Variants in RNF38 observed in about 807,000 individuals in gnomAD.
The protein encoded by RNF38 is E3 ubiquitin-protein ligase RNF38.
In RNF38, 15 loss-of-function variants were observed where a neutral mutation model predicts 67.2. The ratio of observed to expected loss-of-function variants is 0.22; its 90% CI spans 0.15 to 0.34. RNF38 has a LOEUF of 0.34. Ranked by LOEUF, RNF38 falls within the 10% of genes least tolerant of loss-of-function variation. RNF38 has a pLI of 1.00. For synonymous variants in RNF38, 220 were observed against 218.8 expected (o/e 1.01, Z -0.05); for missense variants, 524 against 639.9 (o/e 0.82, Z 1.95).
intron 4 of RNF38, among the ~76,000 whole-genome samples, chr9:36,369,224 C>G (rs1835190329): frequency 6.6e-6 from 1 of 152,098 alleles, no homozygotes; most frequent in African/African-American, 2.4e-5. Context: ...TCATTCTAAG[C>G]TTTCATAACC....
intron 1 of RNF38, among the ~76,000 whole-genome samples, chr9:36,452,725 G>A (rs1839485783): frequency 6.6e-6 from 1 of 152,066 alleles, no homozygotes; most frequent in African/African-American, 2.4e-5. Context: ...TAGAGATGGG[G>A]TTTTGCCATG....
chr9:36,400,368 T>C (rs1343826418), upstream of RNF38: 2 of 1,194,246 alleles, frequency 1.7e-6, no homozygotes, highest in Non-Finnish European at 1.0e-6. Context: ...AGCGAGGCCA[T>C]CTGCCGGGCA....
intron 9 of RNF38, among the ~76,000 whole-genome samples, chr9:36,349,410 A>G (rs1161117852): frequency 6.6e-6 from 1 of 152,120 alleles, no homozygotes. Flanking sequence ...ACCTGGTTGG[A>G]CATTTTGTGT....
At chr9:36,427,356 A>G (rs1267355760) in intron 1 of RNF38, among the ~76,000 whole-genome samples, 3 of 152,112 alleles carry the variant, frequency 2.0e-5, no homozygotes, top group Admixed American at 6.6e-5. Context: ...ACAGACCCCA[A>G]TGAGATTTAA....
intron 1 of RNF38, among the ~76,000 whole-genome samples, chr9:36,477,335 AAAG>A (rs924478330): frequency 2.6e-5 from 4 of 151,530 alleles, no homozygotes; most frequent in African/African-American, 4.9e-5. Flanking sequence ...AAAAAAAAAA[AAAG>A]ATTACCTTGC....
intron 1 of RNF38, among the ~76,000 whole-genome samples, chr9:36,465,453 TCTC>T (rs1436216576): frequency 2.6e-5 from 4 of 152,186 alleles, no homozygotes; most frequent in African/African-American, 7.2e-5. Context: ...TTCAAGCGAT[TCTC>T]CTGCCTTAGC....
Position 36,369,781 on chromosome 9 carries a change from G to A in RNF38, c.508C>T (p.Leu170=), listed in dbSNP as rs1348180410. The A allele has an allele frequency of 2.5e-6, 4 of 1,613,950 alleles. No homozygotes were observed. The highest frequency in any genetic ancestry group is 1.3e-5 in the African/African-American group (1 of 74,918). The part of the protein sequence containing the change: ...AFHPPNVSPR[L]LHPAAHPPQQ... ...GGTGGATGAGCAGCAGGATGTAGCA[G>A]ACGGGGAGATACATTCGGAGGGTGG... Residue 170 remains leucine, a synonymous_variant, in exon 4 of 12, where the codon CTG becomes TTG. Coordinates refer to ENST00000259605, the MANE Select transcript of RNF38 (RefSeq NM_022781.5).
intron 1 of RNF38, among the ~76,000 whole-genome samples, chr9:36,395,463 C>T (rs1264979665): frequency 2.0e-5 from 3 of 152,046 alleles, no homozygotes; most frequent in African/African-American, 7.2e-5. Flanking sequence ...ACCAACTGGT[C>T]GGTCAAAAGC....
intron 1 of RNF38, among the ~76,000 whole-genome samples, chr9:36,466,572 C>T (rs984649145): frequency 5.9e-5 from 9 of 151,960 alleles, no homozygotes; most frequent in South Asian, 4.1e-4. Context: ...TGTTTCTATA[C>T]GTATTTCGTA....
At chr9:36,459,666 C>T (rs1839679630) in intron 1 of RNF38, among the ~76,000 whole-genome samples, 1 of 152,052 alleles carries the variant, frequency 6.6e-6, no homozygotes, top group Admixed American at 6.6e-5. Context: ...AAAATATTAA[C>T]TCTAATTATT....
At chr9:36,402,526 C>T (rs1327045406), upstream of RNF38, among the ~76,000 whole-genome samples, 1 of 150,368 alleles carries the variant, frequency 6.7e-6, no homozygotes, top group Non-Finnish European at 1.5e-5. Context: ...CCCTACAGAA[C>T]GCAGACCACC....
chr9:36,473,844 G>T (rs1315576627), intron 1 of RNF38, among the ~76,000 whole-genome samples: 1 of 150,732 alleles, frequency 6.6e-6, no homozygotes, highest in Non-Finnish European at 1.5e-5. Context: ...AAAATTAGCC[G>T]GGCGTGGTGG....
intron 2 of RNF38, among the ~76,000 whole-genome samples, chr9:36,416,502 T>G (rs1186792246): frequency 6.6e-6 from 1 of 152,168 alleles, no homozygotes; most frequent in Admixed American, 6.6e-5. Context: ...CCTCCCTGCC[T>G]GCCCTAACTT....
chr9:36,467,974 G>A (rs1839903998), intron 1 of RNF38, among the ~76,000 whole-genome samples: 1 of 152,170 alleles, frequency 6.6e-6, no homozygotes, highest in Middle Eastern at 3.2e-3. Flanking sequence ...GAGCAACAGT[G>A]GCTCACACCT....
chr9:36,400,345 G>T, upstream of RNF38: 1 of 1,231,088 alleles, frequency 8.1e-7, no homozygotes, highest in Non-Finnish European at 1.0e-6. Context: ...GGCAAAAAGG[G>T]AGGGAGCGAG....
intron 2 of RNF38, among the ~76,000 whole-genome samples, chr9:36,380,914 T>C (rs141572131): frequency 3.4e-4 from 52 of 152,308 alleles, no homozygotes; most frequent in African/African-American, 7.7e-4. Flanking sequence ...TCAAGAGGAA[T>C]AGAAGATAAG....
At position 36,390,458 on chromosome 9, in the gene RNF38, T is replaced by C. The variant is rs1836991381; in HGVS notation, c.162+9A>G. ...GCCCTATGTAGGGAAAGGGTAAATA[T>C]ATAAGAACCTGGAAGAAAGCTTTGA... On this transcript the variant is annotated intron_variant, in intron 2 of 11. Coordinates refer to ENST00000259605, the MANE Select transcript of RNF38 (RefSeq NM_022781.5). The C allele has an allele frequency of 1.2e-6, 2 of 1,610,398 alleles. No individual in the cohort carries two copies. The highest frequency in any genetic ancestry group is 1.7e-6 in the Non-Finnish European group (2 of 1,178,528).
chr9:36,411,025 A>C (rs952029122), intron 2 of RNF38, among the ~76,000 whole-genome samples: 21 of 152,346 alleles, frequency 1.4e-4, no homozygotes, highest in African/African-American at 4.8e-4. Context: ...TAAATGGTTA[A>C]GATGGTACAT....
chr9:36,347,572 T>C (rs1833363563), intron 9 of RNF38, among the ~76,000 whole-genome samples: 1 of 152,176 alleles, frequency 6.6e-6, no homozygotes, highest in Non-Finnish European at 1.5e-5. Flanking sequence ...CCACAAACTG[T>C]ACTTGTATAA....
Sources: allele counts gnomAD v4.1 joint callset (sites outside exome capture counted in the v4.1 genomes callset), GRCh38; gene constraint gnomAD v4.1.1; transcripts MANE v1.5; gene names NCBI Gene and HGNC (gene_info 2026-07-23, HGNC 2026-07-21).